Variants in XRCC5 observed in about 807,000 individuals in gnomAD.
XRCC5 encodes the protein X-ray repair cross complementing 5.
XRCC5 carries 12 observed loss-of-function variants against 95.7 expected under a neutral mutation model. The ratio of observed to expected loss-of-function variants is 0.13; its 90% CI spans 0.08 to 0.20. The LOEUF (loss-of-function observed/expected upper bound fraction) is 0.20, where lower values mean the gene tolerates loss of function less well. XRCC5 is among the 10% of genes least tolerant of loss of function. XRCC5 has a pLI of 1.00. For synonymous variants in XRCC5, 281 were observed against 290.3 expected, an observed-to-expected ratio of 0.97 and a Z score of 0.33; for missense variants, 595 against 873.9, an observed-to-expected ratio of 0.68 and a Z score of 4.02.
At chr2:216,120,585 T>TA (rs1259189914) in intron 5 of XRCC5, among the ~76,000 whole-genome samples, 17 of 148,726 alleles carry the variant, frequency 1.1e-4, no homozygotes, top group Non-Finnish European at 1.0e-4. Context: ...TTATTTTTAA[T>TA]TTTTTTTTTT....
chr2:216,156,614 T>G (rs1468549236), intron 14 of XRCC5: 4 of 568,644 alleles, frequency 7.0e-6, no homozygotes, highest in Non-Finnish European at 1.4e-5. Flanking sequence ...TGGACTTAAC[T>G]TCTTTGCATC....
intron 16 of XRCC5, among the ~76,000 whole-genome samples, chr2:216,171,230 G>A (rs1689160555): frequency 6.6e-6 from 1 of 152,184 alleles, no homozygotes; most frequent in Non-Finnish European, 1.5e-5. Flanking sequence ...CTTTCAAATT[G>A]CATGCCCAAG....
At chr2:216,136,801 A>G (rs1697088827) in intron 10 of XRCC5, among the ~76,000 whole-genome samples, 1 of 152,208 alleles carries the variant, frequency 6.6e-6, no homozygotes, top group African/African-American at 2.4e-5. Flanking sequence ...AGGACAAACA[A>G]AAGATTTGTT....
At chr2:216,199,073 A>G (rs1689787221) in intron 19 of XRCC5, among the ~76,000 whole-genome samples, 1 of 152,244 alleles carries the variant, frequency 6.6e-6, no homozygotes, top group Non-Finnish European at 1.5e-5. Flanking sequence ...ATATTCATTT[A>G]TATTGCCTTC....
intron 14 of XRCC5, chr2:216,156,810 A>G: frequency 4.3e-6 from 2 of 466,296 alleles, no homozygotes; most frequent in South Asian, 1.6e-5. Flanking sequence ...TCCAGTAGCC[A>G]TTTTTCAAGG....
intron 15 of XRCC5, among the ~76,000 whole-genome samples, chr2:216,160,778 A>T (rs1489751732): frequency 6.6e-6 from 1 of 152,106 alleles, no homozygotes; most frequent in African/African-American, 2.4e-5. Flanking sequence ...GGAGTACAGT[A>T]GTGTGATTTT....
At chr2:216,116,528 C>A in intron 2 of XRCC5, 131 bp from the exon 3 acceptor site, 1 of 933,342 alleles carries the variant, frequency 1.1e-6, no homozygotes, top group South Asian at 1.4e-5. Context: ...ATGTTTCATC[C>A]CGCCCAATAC....
At chr2:216,161,931 TA>T (rs755755724) in intron 15 of XRCC5, 47 bp from the exon 16 acceptor site, 1 of 1,561,562 alleles carries the variant, frequency 6.4e-7, no homozygotes, top group South Asian at 1.1e-5. Context: ...GGGGTGCTGC[TA>T]AAAAGAGAAA....
rs536943403 is a variant in XRCC5 at position 216,196,030 on chromosome 2, T to A, written c.2109+1044T>A. Among the ~76,000 whole-genome samples the A allele has an allele frequency of 1.6e-4, 24 of 152,218 alleles. No individual in the cohort carries two copies. The South Asian group carries it at 4.4e-3, about 28-fold the overall frequency. Reference sequence around the variant, plus strand: ...GAGAGCTTGGTCTGGGGCTGGTGAATAGGAATCTGTTAGGGAAGTGACAGA... The same window carrying A: ...GAGAGCTTGGTCTGGGGCTGGTGAAAAGGAATCTGTTAGGGAAGTGACAGA... On this transcript the variant is annotated intron_variant, in intron 19 of 20. Coordinates refer to ENST00000392132, the MANE Select transcript of XRCC5 (RefSeq NM_021141.4).
chr2:216,114,445 A>T lies in XRCC5; in HGVS notation c.135+1316A>T, dbSNP rs1696646398. Among the ~76,000 whole-genome samples, 6 of 152,208 alleles carry T rather than the reference A, an allele frequency of 3.9e-5. No homozygotes were observed. The South Asian group carries it at 1.2e-3, about 32-fold the overall frequency. ...TTCTTGGTTATAGTTGTGTTGGTGGAATTCAAGTAGTGTGGCTGTCCCCTG... is the reference window on the plus strand; with the variant it reads ...TTCTTGGTTATAGTTGTGTTGGTGGTATTCAAGTAGTGTGGCTGTCCCCTG... On this transcript the variant is annotated intron_variant, in intron 2 of 20. Transcript: ENST00000392132.
chr2:216,144,374 C>T (rs79423665), intron 13 of XRCC5, among the ~76,000 whole-genome samples: 3 of 152,136 alleles, frequency 2.0e-5, no homozygotes, highest in African/African-American at 7.2e-5. Flanking sequence ...ACCTTGTATG[C>T]CATACTCAGT....
intron 16 of XRCC5, among the ~76,000 whole-genome samples, chr2:216,188,192 C>T (rs999350817): frequency 2.0e-5 from 3 of 152,168 alleles, no homozygotes; most frequent in African/African-American, 7.2e-5. Flanking sequence ...TTGCCAAATT[C>T]TGTTTTTCAT....
intron 20 of XRCC5, 21 bp downstream of exon 20, chr2:216,204,417 C>G (rs376032670): frequency 6.2e-7 from 1 of 1,613,130 alleles, no homozygotes; most frequent in Non-Finnish European, 8.5e-7. Flanking sequence ...TTAATATGCA[C>G]CTGGTGTTCT....
At chr2:216,155,649 C>T (rs1388848153) in intron 14 of XRCC5, among the ~76,000 whole-genome samples, 1 of 152,118 alleles carries the variant, frequency 6.6e-6, no homozygotes, top group Non-Finnish European at 1.5e-5. Context: ...CTGCAAGTAA[C>T]AGCCACATGG....
intron 4 of XRCC5, among the ~76,000 whole-genome samples, chr2:216,118,046 A>G (rs1458017720): frequency 6.6e-6 from 1 of 152,194 alleles, no homozygotes; most frequent in Non-Finnish European, 1.5e-5. Flanking sequence ...TTTACTTCCT[A>G]TTAGACTTAA....
At chr2:216,149,309 CAT>C (rs977737076) in intron 14 of XRCC5, among the ~76,000 whole-genome samples, 5 of 152,032 alleles carry the variant, frequency 3.3e-5, no homozygotes, top group African/African-American at 4.8e-5. Context: ...AAAAAAAAAT[CAT>C]GTACTTGGTT....
At chr2:216,190,435 TATC>T (rs751581877) in intron 17 of XRCC5, 101 bp downstream of exon 17, 6 of 1,021,818 alleles carry the variant, frequency 5.9e-6, no homozygotes, top group Non-Finnish European at 8.7e-6. Context: ...CCGTGGAAAT[TATC>T]ATTCTCAATA....
intron 15 of XRCC5, among the ~76,000 whole-genome samples, chr2:216,160,600 T>A (rs207912): frequency 1.6e-4 from 25 of 151,942 alleles, no homozygotes; most frequent in African/African-American, 5.8e-4. Flanking sequence ...TCCCCAAGAA[T>A]GTATCCTTTG....
chr2:216,116,235 T>A (rs1696693425), intron 2 of XRCC5, among the ~76,000 whole-genome samples: 1 of 152,230 alleles, frequency 6.6e-6, no homozygotes, highest in Non-Finnish European at 1.5e-5. Context: ...TGTATATGCC[T>A]GCCCCTGAAA....
Sources: gnomAD v4.1 joint callset for allele counts (sites outside exome capture counted in the v4.1 genomes callset) on GRCh38, gnomAD v4.1.1 for gene constraint, MANE v1.5 for transcripts, NCBI Gene and HGNC (gene_info 2026-07-23, HGNC 2026-07-21) for gene names.